Variants in BRINP3 observed in about 807,000 individuals in gnomAD.
The protein encoded by BRINP3 is BMP/retinoic acid-inducible neural-specific protein 3.
Under a neutral mutation model 71.0 loss-of-function variants are expected in BRINP3, and 19 were observed. That is an observed-to-expected ratio of 0.27 (90% CI 0.19 to 0.39). The LOEUF (loss-of-function observed/expected upper bound fraction) is 0.39, where lower values mean the gene tolerates loss of function less well. Ranked by LOEUF, BRINP3 falls within the 10% of genes least tolerant of loss-of-function variation. The probability of loss-of-function intolerance (pLI) is 1.00; values close to 1 mark genes in which losing one functional copy is unlikely to be tolerated. For synonymous variants in BRINP3, 380 were observed against 337.7 expected (o/e 1.13, Z -1.37); for missense variants, 959 against 940.8 (o/e 1.02, Z -0.25).
At chr1:190,318,080 A>G (rs1005010118) in intron 2 of BRINP3, among the ~76,000 whole-genome samples, 3 of 152,080 alleles carry the variant, frequency 2.0e-5, no homozygotes, top group African/African-American at 7.2e-5. Flanking sequence ...CTCTTTCTTT[A>G]TATTGGTAAA....
At chr1:190,138,016 A>G (rs753528653) in intron 7 of BRINP3, among the ~76,000 whole-genome samples, 12 of 151,634 alleles carry the variant, frequency 7.9e-5, no homozygotes, top group Non-Finnish European at 1.6e-4. Context: ...GTACAATGGC[A>G]TGAGCTCGGC....
intron 2 of BRINP3, among the ~76,000 whole-genome samples, chr1:190,378,945 G>C (rs960518182): frequency 6.6e-6 from 1 of 152,152 alleles, no homozygotes; most frequent in African/African-American, 2.4e-5. Context: ...CATGCTGCCT[G>C]CTATGCCATG....
intron 2 of BRINP3, among the ~76,000 whole-genome samples, chr1:190,305,931 T>C (rs551080665): frequency 6.6e-6 from 1 of 151,988 alleles, no homozygotes; most frequent in South Asian, 2.1e-4. Flanking sequence ...GTGTTAATCA[T>C]AAATTAACGA....
chr1:190,114,561 TG>T, intron 7 of BRINP3, among the ~76,000 whole-genome samples: 1 of 151,146 alleles, frequency 6.6e-6, no homozygotes, highest in East Asian at 1.9e-4. Flanking sequence ...TGTGTGTGTG[TG>T]CATGTGTGTT....
chr1:190,365,833 T>TACACAC (rs1386301754), intron 2 of BRINP3, among the ~76,000 whole-genome samples: 1 of 135,456 alleles, frequency 7.4e-6, no homozygotes, highest in African/African-American at 2.7e-5. Flanking sequence ...TATATATATA[T>TACACAC]ATACACACAC....
chr1:190,408,019 C>CTTTTTTT (rs34343187), intron 2 of BRINP3, among the ~76,000 whole-genome samples: 48 of 99,782 alleles, frequency 4.8e-4, no homozygotes, highest in Middle Eastern at 0.013. Flanking sequence ...CTACATTTGT[C>CTTTTTTT]TTTTTTTTTT....
At chr1:190,469,494 A>G (rs1165033251) in intron 1 of BRINP3, among the ~76,000 whole-genome samples, 1 of 151,088 alleles carries the variant, frequency 6.6e-6, no homozygotes, top group Non-Finnish European at 1.5e-5. Flanking sequence ...ACTTTGCTGC[A>G]TAATTTATTC....
intron 7 of BRINP3, among the ~76,000 whole-genome samples, chr1:190,141,361 G>T (rs2102389270): frequency 6.6e-6 from 1 of 151,854 alleles, no homozygotes; most frequent in East Asian, 1.9e-4. Flanking sequence ...TTTATGCCTG[G>T]AATTTAAATC....
At position 190,098,376 on chromosome 1, in the gene BRINP3, G is replaced by A. The variant is rs1172552823; in HGVS notation, c.1943C>T (p.Pro648Leu). Residue 648 changes from proline (P) to leucine (L), a missense_variant, in exon 8 of 8, where the codon CCT (proline) becomes CTT (leucine). Pro to Leu is a moderately conservative substitution (Grantham distance 98). Transcript: ENST00000367462. Reference protein sequence around the residue: ...PNGNESIYYEPLEFIDPSRNL... With the variant: ...PNGNESIYYELLEFIDPSRNL... ...CCGGGAAGGGTCAATAAACTCCAGAGGTTCATAGTAAATGCTCTCATTACC... is the reference window on the plus strand; with the variant it reads ...CCGGGAAGGGTCAATAAACTCCAGAAGTTCATAGTAAATGCTCTCATTACC... 1 of 1,614,096 alleles carries A rather than the reference G, an allele frequency of 6.2e-7. No homozygotes were observed. Among genetic ancestry groups the A allele is most frequent in the Admixed American group, 1.7e-5 (1 of 60,014 alleles).
intron 2 of BRINP3, among the ~76,000 whole-genome samples, chr1:190,449,893 C>T (rs2102604989): frequency 6.6e-6 from 1 of 152,278 alleles, no homozygotes; most frequent in South Asian, 2.1e-4. Flanking sequence ...TGTTCCTTGT[C>T]ATAGATATGT....
At chr1:190,113,993 T>G (rs1652909567) in intron 7 of BRINP3, among the ~76,000 whole-genome samples, 1 of 152,210 alleles carries the variant, frequency 6.6e-6, no homozygotes, top group Non-Finnish European at 1.5e-5. Flanking sequence ...ATACTTAGAT[T>G]ATACCAGTGA....
At chr1:190,332,870 T>C (rs1667057589) in intron 2 of BRINP3, among the ~76,000 whole-genome samples, 2 of 151,974 alleles carry the variant, frequency 1.3e-5, no homozygotes, top group African/African-American at 4.8e-5. Context: ...AATCCGGGTG[T>C]GTTTCCATGT....
intron 4 of BRINP3, among the ~76,000 whole-genome samples, chr1:190,244,341 C>T (rs1406985586): frequency 1.3e-5 from 2 of 152,068 alleles, no homozygotes; most frequent in African/African-American, 4.8e-5. Flanking sequence ...CTACTTCCTA[C>T]TCTATAATTT....
At chr1:190,319,383 T>C (rs1386849977) in intron 2 of BRINP3, among the ~76,000 whole-genome samples, 2 of 152,146 alleles carry the variant, frequency 1.3e-5, no homozygotes, top group Non-Finnish European at 2.9e-5. Flanking sequence ...ATCCCAAAGT[T>C]GTTGTTGTGT....
At chr1:190,236,428 C>T (rs1055417527) in intron 4 of BRINP3, among the ~76,000 whole-genome samples, 36 of 151,848 alleles carry the variant, frequency 2.4e-4, no homozygotes, top group Admixed American at 1.2e-3. Flanking sequence ...AACTTAGAGG[C>T]GACAATCAAT....
chr1:190,262,612 T>C (rs753088573), intron 4 of BRINP3, among the ~76,000 whole-genome samples: 10 of 152,158 alleles, frequency 6.6e-5, no homozygotes, highest in Non-Finnish European at 1.2e-4. Flanking sequence ...ATCATTTTTA[T>C]TATGAGCACT....
At position 190,259,195 on chromosome 1, in the gene BRINP3, A is replaced by C. The variant is rs569305870; in HGVS notation, c.618+5670T>G. ...AAAACCAGACAGATGTATCTCAGGA[A>C]AATATAGTCCAATATCCACTTTGAA... On this transcript the variant is annotated intron_variant, in intron 4 of 7. Coordinates refer to ENST00000367462, the MANE Select transcript of BRINP3 (RefSeq NM_199051.3). Among the ~76,000 whole-genome samples, 18 of 151,636 alleles carry C rather than the reference A, an allele frequency of 1.2e-4. No homozygotes were observed. In the South Asian group the frequency reaches 3.7e-3, roughly 32 times the overall value.
At chr1:190,398,558 T>A (rs1024853711) in intron 2 of BRINP3, among the ~76,000 whole-genome samples, 2 of 151,962 alleles carry the variant, frequency 1.3e-5, no homozygotes, top group Non-Finnish European at 2.9e-5. Flanking sequence ...TATCATATTA[T>A]CCTTATGATT....
chr1:190,150,788 A>G (rs1656323772), intron 7 of BRINP3, among the ~76,000 whole-genome samples: 1 of 152,220 alleles, frequency 6.6e-6, no homozygotes, highest in African/African-American at 2.4e-5. Context: ...TTAAAGAATA[A>G]GAGATTTTAA....
Sources: gnomAD v4.1 joint callset for allele counts (sites outside exome capture counted in the v4.1 genomes callset) on GRCh38, gnomAD v4.1.1 for gene constraint, MANE v1.5 for transcripts, NCBI Gene and HGNC (gene_info 2026-07-23, HGNC 2026-07-21) for gene names.